AFF2: variants seen among roughly 807,000 people sequenced by gnomAD.
AFF2 encodes ALF transcription elongation factor 2, also known as AF4/FMR2 family member 2.
A neutral mutation model predicts 76.9 loss-of-function variants in AFF2; 14 were observed. That is an observed-to-expected ratio of 0.18 (90% CI 0.12 to 0.28). The LOEUF is 0.28. Ranked by LOEUF, AFF2 falls within the 10% of genes least tolerant of loss-of-function variation. The pLI is 1.00. For missense variants in AFF2, 868 were observed against 1,001.1 expected (o/e 0.87, Z 1.79); for synonymous variants, 398 against 366.7 (o/e 1.09, Z -0.98).
chrX:148,630,108 GC>G (rs1407051117), intron 1 of AFF2, among the ~76,000 whole-genome samples: 2 of 111,450 alleles, frequency 1.8e-5, no homozygotes, highest in African/African-American at 6.5e-5. Flanking sequence ...CCACAGAAAT[GC>G]CCCCTGTGTG....
chrX:148,820,587 ACTT>A (rs2070316418), intron 4 of AFF2, among the ~76,000 whole-genome samples: 1 of 111,916 alleles, frequency 8.9e-6, no homozygotes, highest in African/African-American at 3.2e-5. Context: ...CATTTTATGT[ACTT>A]AAGTATTATA....
At chrX:148,780,304 G>A (rs1557268977) in intron 3 of AFF2, among the ~76,000 whole-genome samples, 1 of 111,719 alleles carries the variant, frequency 9.0e-6, no homozygotes, top group Non-Finnish European at 1.9e-5. Context: ...GTCTTTGTAG[G>A]TTGGGGAGGT....
chrX:148,917,492 A>G (rs1183930017), intron 9 of AFF2, among the ~76,000 whole-genome samples: 8 of 112,657 alleles, frequency 7.1e-5, no homozygotes, highest in Non-Finnish European at 1.5e-4. Context: ...GATTGGACAC[A>G]CAGCAGCCAG....
chrX:148,623,951 T>C (rs782532427), intron 1 of AFF2, among the ~76,000 whole-genome samples: 2 of 111,508 alleles, frequency 1.8e-5, no homozygotes, highest in Non-Finnish European at 3.8e-5. Context: ...TGTGATAAGC[T>C]GGCAGTTTTG....
intron 9 of AFF2, among the ~76,000 whole-genome samples, chrX:148,928,072 G>T (rs1383482102): frequency 9.0e-6 from 1 of 111,549 alleles, no homozygotes; most frequent in Non-Finnish European, 1.9e-5. Flanking sequence ...CCTATCATCA[G>T]GTTTAGCAAA....
At chrX:148,870,951 G>C (rs1434266529) in intron 7 of AFF2, among the ~76,000 whole-genome samples, 2 of 111,244 alleles carry the variant, frequency 1.8e-5, no homozygotes, top group Non-Finnish European at 3.8e-5. Context: ...GTGGCAGTGG[G>C]GGAGACAGCA....
chrX:148,619,492 G>A (rs2053845968), intron 1 of AFF2, among the ~76,000 whole-genome samples: 1 of 112,343 alleles, frequency 8.9e-6, no homozygotes, highest in African/African-American at 3.2e-5. Context: ...TACCAGAGCT[G>A]TTAACAAATA....
At chrX:148,904,553 T>G (rs1557281239) in intron 9 of AFF2, among the ~76,000 whole-genome samples, 1 of 112,105 alleles carries the variant, frequency 8.9e-6, no homozygotes, top group African/African-American at 3.2e-5. Context: ...ACATAGTACT[T>G]CAAGCCTTTG....
chrX:148,815,539 C>G (rs1557272096), intron 4 of AFF2, among the ~76,000 whole-genome samples: 1 of 111,855 alleles, frequency 8.9e-6, no homozygotes, highest in Non-Finnish European at 1.9e-5. Context: ...TTAATTATAA[C>G]AACTTTATGT....
chrX:148,597,640 G>A (rs1265081345), intron 1 of AFF2, among the ~76,000 whole-genome samples: 1 of 111,954 alleles, frequency 8.9e-6, no homozygotes. Context: ...TCGACATAAA[G>A]TTGATACAAA....
intron 13 of AFF2, among the ~76,000 whole-genome samples, chrX:148,965,896 C>T (rs1557288601): frequency 9.0e-6 from 1 of 111,612 alleles, no homozygotes; most frequent in African/African-American, 3.3e-5. Flanking sequence ...GAAGAGGAGG[C>T]ACCATGGGAA....
chrX:148,708,460 C>A (rs868977477), intron 3 of AFF2, among the ~76,000 whole-genome samples: 1 of 111,822 alleles, frequency 8.9e-6, no homozygotes, highest in African/African-American at 3.3e-5. Context: ...ACAAAAAAAT[C>A]CCCAGCAGGT....
intron 1 of AFF2, among the ~76,000 whole-genome samples, chrX:148,564,718 C>T (rs1418230625): frequency 9.0e-6 from 1 of 111,548 alleles, no homozygotes; most frequent in East Asian, 2.8e-4. Context: ...GCAGTCTCCC[C>T]AAAGCAGCCT....
chrX:148,551,880 G>A (rs1196298435), intron 1 of AFF2, among the ~76,000 whole-genome samples: 3 of 112,540 alleles, frequency 2.7e-5, no homozygotes, highest in African/African-American at 9.7e-5. Context: ...CTGTGTATCA[G>A]TTTGACCTCT....
At chrX:148,869,283 T>C (rs1321479741) in intron 7 of AFF2, among the ~76,000 whole-genome samples, 1 of 111,407 alleles carries the variant, frequency 9.0e-6, no homozygotes, top group Non-Finnish European at 1.9e-5. Context: ...GTGGTGAAAA[T>C]GTTCCTGAAC....
intron 9 of AFF2, among the ~76,000 whole-genome samples, chrX:148,944,130 C>CT (rs1413098822): frequency 8.9e-5 from 10 of 112,366 alleles, no homozygotes; most frequent in Non-Finnish European, 1.7e-4. Flanking sequence ...CTGTGCCTGT[C>CT]TAAGCATGCT....
chrX:148,664,237 A>G (rs969876755), intron 3 of AFF2, among the ~76,000 whole-genome samples: 1 of 112,174 alleles, frequency 8.9e-6, no homozygotes, highest in Non-Finnish European at 1.9e-5. Flanking sequence ...CAAATTTCTT[A>G]GTCACACATA....
intron 3 of AFF2, among the ~76,000 whole-genome samples, chrX:148,746,475 G>A (rs1439373363): frequency 1.8e-5 from 2 of 112,166 alleles, no homozygotes; most frequent in African/African-American, 6.5e-5. Context: ...TACTTCTATT[G>A]TATCAATCAG....
rs782762196 is a variant in AFF2 at position 148,955,719 on chromosome X, G to A, written c.1674G>A (p.Leu558=). The A allele has an allele frequency of 1.4e-5, 17 of 1,211,589 alleles. No homozygotes were observed. Among genetic ancestry groups the A allele is most frequent in the Non-Finnish European group, 1.9e-5 (17 of 895,461 alleles). Residue 558 remains leucine, a synonymous_variant, in exon 11 of 21, where the codon CTG becomes CTA. Transcript: ENST00000370460. ...AAACACCCATGGAGACTATTTCTCT[G>A]CCTCCTCCAATCATCCAACCAATGG... ...QNETPMETIS[L]PPPIIQPMEV...
Sources: gnomAD v4.1 joint callset for allele counts (sites outside exome capture counted in the v4.1 genomes callset) on GRCh38, gnomAD v4.1.1 for gene constraint, MANE v1.5 for transcripts, NCBI Gene and HGNC (gene_info 2026-07-23, HGNC 2026-07-21) for gene names.